ZNF530: variants seen among roughly 807,000 people sequenced by gnomAD.
ZNF530 encodes zinc finger protein 530.
ZNF530 carries 5 observed loss-of-function variants against 2.8 expected under a neutral mutation model. The ratio of observed to expected loss-of-function variants is 1.80; its 90% confidence interval spans 0.94 to 3.78. The LOEUF is 3.78. ZNF530 is among the 30% of genes most tolerant of loss of function. The pLI is 0.00. For missense variants in ZNF530, 619 were observed against 673.3 expected (o/e 0.92, Z 0.89); for synonymous variants, 229 against 235.0 (o/e 0.97, Z 0.23).
Position 57,609,930 on chromosome 19 carries a change from A to C in ZNF530, c.*2605A>C, listed in dbSNP as rs1980807159. Among the ~76,000 whole-genome samples, 1 of 152,210 alleles carries C rather than the reference A, an allele frequency of 6.6e-6. No individual in the cohort carries two copies. On this transcript the variant is annotated 3_prime_UTR_variant, in exon 4 of 4. Transcript: ENST00000597700. ...TCATTGCTCACCTGTATTTCCTGCC[A>C]CTGAAGCAGGTCTGCCTCTACGTGG...
At chr19:57,612,110 C>T (rs1980897788), downstream of ZNF530, among the ~76,000 whole-genome samples, 1 of 152,174 alleles carries the variant, frequency 6.6e-6, no homozygotes, top group African/African-American at 2.4e-5. Context: ...TAACATTAAA[C>T]TTTTATTTCA....
In ZNF530 at chr19:57,606,648, G is replaced by A. The variant is rs200454621; in HGVS notation, c.1024G>A (p.Gly342Arg). ...NLFRHWRVHT[G>R]VRPYECSECG... ...CTTTCGACACTGGAGAGTTCACACTGGAGTAAGGCCTTATGAGTGTAGTGA... is the reference window on the plus strand; with the variant it reads ...CTTTCGACACTGGAGAGTTCACACTAGAGTAAGGCCTTATGAGTGTAGTGA... Residue 342 changes from glycine to arginine, a missense_variant, in exon 4 of 4, where the codon GGA becomes AGA. Transcript: ENST00000597700. The A allele has an allele frequency of 4.8e-5, 78 of 1,613,754 alleles. No homozygotes were observed. The East Asian group carries it at 1.6e-3, about 34-fold the overall frequency.
downstream of ZNF530, among the ~76,000 whole-genome samples, chr19:57,611,718 T>C (rs1398827443): frequency 6.6e-6 from 1 of 151,982 alleles, no homozygotes; most frequent in African/African-American, 2.4e-5. Flanking sequence ...CTCAGAGGGA[T>C]AGTTTTATGC....
At position 57,609,257 on chromosome 19, in the gene ZNF530, G is replaced by T. The variant is rs935000037; in HGVS notation, c.*1932G>T. Among the ~76,000 whole-genome samples, 1 of 151,768 alleles carries T rather than the reference G, an allele frequency of 6.6e-6. No individual in the cohort carries two copies. The highest frequency in any genetic ancestry group is 1.5e-5 in the Non-Finnish European group (1 of 67,944). ...GACGCACCAAGAATAGCTTGAACCC[G>T]GAAGTGGAGGTTGCAGTGAGCTGAG... On this transcript the variant is annotated 3_prime_UTR_variant, in exon 4 of 4. Transcript: ENST00000597700.
At chr19:57,612,327 T>G (rs3761060), downstream of ZNF530, among the ~76,000 whole-genome samples, 1 of 152,050 alleles carries the variant, frequency 6.6e-6, no homozygotes, top group African/African-American at 2.4e-5. Context: ...GCGTAAGCTA[T>G]TGGGGTCTGT....
At chr19:57,603,719 G>A (rs572047256) in intron 2 of ZNF530, among the ~76,000 whole-genome samples, 71 of 152,380 alleles carry the variant, frequency 4.7e-4, no homozygotes, top group African/African-American at 1.7e-3. Context: ...GGGCTTCAGA[G>A]CAGGATATGG....
chr19:57,602,418 G>T (rs895281831), intron 2 of ZNF530, among the ~76,000 whole-genome samples: 1 of 152,144 alleles, frequency 6.6e-6, no homozygotes, highest in African/African-American at 2.4e-5. Context: ...GCATTTTGTG[G>T]GTGGGCGTGG....
downstream of ZNF530, among the ~76,000 whole-genome samples, chr19:57,611,616 C>G (rs1040472677): frequency 6.6e-6 from 1 of 152,148 alleles, no homozygotes; most frequent in African/African-American, 2.4e-5. Context: ...TGCTCGAAAC[C>G]TTATCAGGGG....
intron 2 of ZNF530, among the ~76,000 whole-genome samples, chr19:57,603,691 A>T (rs1568622959): frequency 6.6e-6 from 1 of 152,214 alleles, no homozygotes; most frequent in African/African-American, 2.4e-5. Context: ...TGATGAAAGG[A>T]GTAGACTCAG....
At chr19:57,612,668 G>A, downstream of ZNF530, 2 of 395,402 alleles carry the variant, frequency 5.1e-6, no homozygotes, top group Non-Finnish European at 8.9e-6. Flanking sequence ...GCAACACAGT[G>A]AGATCCTGTC....
intron 2 of ZNF530, among the ~76,000 whole-genome samples, chr19:57,602,033 G>A (rs1980267052): frequency 6.6e-6 from 1 of 152,152 alleles, no homozygotes; most frequent in Non-Finnish European, 1.5e-5. Flanking sequence ...AAATATCCAG[G>A]CTATATCAGT....
downstream of ZNF530, among the ~76,000 whole-genome samples, chr19:57,610,841 A>G (rs1405885219): frequency 6.6e-6 from 1 of 152,158 alleles, no homozygotes; most frequent in East Asian, 1.9e-4. Context: ...GAATATTTTT[A>G]TGTTTATAAT....
downstream of ZNF530, among the ~76,000 whole-genome samples, chr19:57,611,506 A>G (rs1480431711): frequency 6.6e-6 from 1 of 152,142 alleles, no homozygotes; most frequent in African/African-American, 2.4e-5. Context: ...CTGAAGTCAT[A>G]CATATACTCA....
downstream of ZNF530, among the ~76,000 whole-genome samples, chr19:57,610,177 A>C (rs1204312135): frequency 6.6e-6 from 1 of 152,236 alleles, no homozygotes; most frequent in Non-Finnish European, 1.5e-5. Flanking sequence ...TCTCACCTGC[A>C]TATTTTACTT....
In ZNF530 at chr19:57,607,555, G is replaced by A. The variant is rs1267820784; in HGVS notation, c.*230G>A. On this transcript the variant is annotated 3_prime_UTR_variant, in exon 4 of 4. Coordinates refer to ENST00000597700, the MANE Select transcript of ZNF530 (RefSeq NM_001321981.2). ...AAACAAGGTTTCACCATGTTGGTCA[G>A]GCTGGTGTTGAACTCCTGACCTCAG... The A allele has an allele frequency of 2.0e-6, 1 of 498,804 alleles. No individual in the cohort carries two copies. The highest frequency in any genetic ancestry group is 3.5e-6 in the Non-Finnish European group (1 of 282,878). 30.9% of individuals were successfully genotyped at this position (498,804 alleles called of 1,614,324 possible).
rs575336568 is a variant in ZNF530 at position 57,604,399 on chromosome 19, A to G, written c.54A>G (p.Ala18=). 3 of 1,613,534 alleles carry G rather than the reference A, an allele frequency of 1.9e-6. No homozygotes were observed. The highest frequency in any genetic ancestry group is 1.3e-5 in the African/African-American group (1 of 75,010). The change falls in exon 3 of 4, where the codon GCA becomes GCG. Residue 18 remains alanine, a synonymous_variant. Coordinates refer to ENST00000597700, the MANE Select transcript of ZNF530 (RefSeq NM_001321981.2). ...DVMLENFAVM[A]SLGCWCGAVD... Reference sequence around the variant, plus strand: ...TGCTGGAGAACTTTGCAGTTATGGCATCCCTAGGTAAGGCCCTCCTATTCC... The same window carrying G: ...TGCTGGAGAACTTTGCAGTTATGGCGTCCCTAGGTAAGGCCCTCCTATTCC...
chr19:57,607,505 C>T lies in ZNF530; in HGVS notation c.*180C>T, dbSNP rs573162782. ...GATTACAGGCACCCACCACCATGCC[C>T]AGCTAATTTTTGTATTTTTAATAGA... On this transcript the variant is annotated 3_prime_UTR_variant, in exon 4 of 4. Coordinates refer to ENST00000597700, the MANE Select transcript of ZNF530 (RefSeq NM_001321981.2). 1.3e-5 allele frequency: 8 copies of T among 629,400 alleles called. No homozygotes were observed. Among genetic ancestry groups the T allele is most frequent in the South Asian group, 2.2e-5 (1 of 46,286 alleles). 39.0% of individuals were successfully genotyped at this position (629,400 alleles called of 1,614,324 possible).
intron 2 of ZNF530, among the ~76,000 whole-genome samples, chr19:57,603,526 C>T (rs1417615120): frequency 2.6e-5 from 4 of 152,332 alleles, no homozygotes; most frequent in East Asian, 3.9e-4. Flanking sequence ...ATCACTTAAC[C>T]TTGGGTGGAG....
chr19:57,601,873 T>C (rs568797720), intron 2 of ZNF530, among the ~76,000 whole-genome samples: 1 of 152,256 alleles, frequency 6.6e-6, no homozygotes, highest in South Asian at 2.1e-4. Context: ...ACCAGTCTCT[T>C]TTTAGCAACC....
Sources: gnomAD v4.1 joint callset for allele counts (sites outside exome capture counted in the v4.1 genomes callset) on GRCh38, gnomAD v4.1.1 for gene constraint, MANE v1.5 for transcripts, NCBI Gene and HGNC (gene_info 2026-07-23, HGNC 2026-07-21) for gene names.